The following DDX60 variants were observed in gnomAD, a reference collection of about 807,000 sequenced individuals.
DDX60 encodes the protein DExD/H-box helicase 60.
DDX60 carries 165 observed loss-of-function variants against 212.8 expected under a neutral mutation model. The observed-to-expected ratio is 0.78, with a 90% CI of 0.68 to 0.88. The LOEUF is 0.88. Among genes scored for constraint, DDX60 ranks in the 40% least tolerant of loss-of-function variants. The pLI, the probability that DDX60 is intolerant of heterozygous loss-of-function variation, is 0.00. For missense variants in DDX60, 1,905 were observed against 2,003.9 expected (o/e 0.95, Z 0.94); for synonymous variants, 703 against 685.3 (o/e 1.03, Z -0.40).
chr4:168,221,328 T>C (rs916840963), intron 36 of DDX60, among the ~76,000 whole-genome samples: 1 of 152,152 alleles, frequency 6.6e-6, no homozygotes, highest in Non-Finnish European at 1.5e-5. Context: ...ACTAAAACAA[T>C]TGTCATGTAC....
chr4:168,218,082 T>C (rs943669226), intron 37 of DDX60, among the ~76,000 whole-genome samples: 1 of 152,154 alleles, frequency 6.6e-6, no homozygotes, highest in African/African-American at 2.4e-5. Context: ...TGATCTGACA[T>C]CTTATCAGCC....
At chr4:168,287,753 T>C (rs1358669706) in intron 9 of DDX60, among the ~76,000 whole-genome samples, 1 of 152,036 alleles carries the variant, frequency 6.6e-6, no homozygotes, top group Non-Finnish European at 1.5e-5. Flanking sequence ...AGAAAAGATT[T>C]TAAAGAAAGA....
At chr4:168,238,477 G>T (rs547874792) in intron 30 of DDX60, among the ~76,000 whole-genome samples, 67 of 146,096 alleles carry the variant, frequency 4.6e-4, no homozygotes, top group Non-Finnish European at 5.2e-4. Flanking sequence ...GGGAAGGGAA[G>T]GGAAGGGGAG....
intron 24 of DDX60, among the ~76,000 whole-genome samples, chr4:168,261,444 A>C (rs927412931): frequency 1.8e-4 from 28 of 152,312 alleles, no homozygotes; most frequent in African/African-American, 6.7e-4. Context: ...ATTACAACAA[A>C]AAAAAATCCA....
intron 1 of DDX60, among the ~76,000 whole-genome samples, chr4:168,312,083 G>T (rs1737158421): frequency 6.6e-6 from 1 of 152,132 alleles, no homozygotes; most frequent in African/African-American, 2.4e-5. Context: ...TCACTTGAAG[G>T]ACATTTAGGA....
chr4:168,229,895 G>T (rs1231347351), intron 33 of DDX60, among the ~76,000 whole-genome samples: 1 of 152,068 alleles, frequency 6.6e-6, no homozygotes, highest in Non-Finnish European at 1.5e-5. Context: ...AATGTAAATG[G>T]CCTAAATGCT....
Position 168,314,613 on chromosome 4 carries a change from A to C in DDX60, c.-106-3248T>G, listed in dbSNP as rs565996395. On this transcript the variant is annotated intron_variant, in intron 1 of 37. Coordinates refer to ENST00000393743, the MANE Select transcript of DDX60 (RefSeq NM_017631.6). Reference sequence around the variant, plus strand: ...ATAAAATGAGCATGCTGGAATTTTTAGTCAGTGATCTGTAGGGTTAAAGTC... The same window carrying C: ...ATAAAATGAGCATGCTGGAATTTTTCGTCAGTGATCTGTAGGGTTAAAGTC... 4.4e-4 allele frequency among the ~76,000 whole-genome samples: 67 copies of C among 152,356 alleles called. No homozygotes were observed. The South Asian group carries it at 0.013, about 30-fold the overall frequency.
At chr4:168,273,515 C>T (rs1224870550) in intron 17 of DDX60, 117 bp from the exon 18 acceptor site, 2 of 1,241,196 alleles carry the variant, frequency 1.6e-6, no homozygotes, top group African/African-American at 3.0e-5. Context: ...CTTACTAACC[C>T]CTTTCATCAA....
intron 31 of DDX60, 78 bp from the exon 32 acceptor site, chr4:168,237,505 T>C (rs1733671729): frequency 7.3e-7 from 1 of 1,361,318 alleles, no homozygotes; most frequent in Non-Finnish European, 9.9e-7. Context: ...CAGTTTAAAA[T>C]AGTATTTAAT....
intron 3 of DDX60, among the ~76,000 whole-genome samples, chr4:168,308,899 TA>T (rs767839258): frequency 3.9e-5 from 6 of 152,046 alleles, no homozygotes; most frequent in Non-Finnish European, 7.4e-5. Context: ...CACGAATGCA[TA>T]AAGTATATGT....
In DDX60 at chr4:168,311,375, A is replaced by T. The variant is rs1737127688; in HGVS notation, c.-106-10T>A. On this transcript the variant is annotated splice_polypyrimidine_tract_variant and intron_variant, in intron 1 of 37. Transcript: ENST00000393743. ...AATGAAAATGGCAGTCCTGCAAAAA[A>T]AGAAAAGAAAATGAGTCTTTATTCA... The T allele has an allele frequency of 1.3e-5, 14 of 1,074,946 alleles. No homozygotes were observed. The highest frequency in any genetic ancestry group is 1.9e-5 in the Non-Finnish European group (14 of 726,402). 66.6% of individuals were successfully genotyped at this position (1,074,946 alleles called of 1,614,324 possible). A position where few individuals can be genotyped will look rare whatever the true frequency, so the allele number is the denominator to read the frequency against.
intron 29 of DDX60, among the ~76,000 whole-genome samples, chr4:168,247,454 T>A (rs192443185): frequency 1.2e-4 from 19 of 152,206 alleles, no homozygotes; most frequent in African/African-American, 1.7e-4. Flanking sequence ...ACAAGGCCTA[T>A]AAGGAGAACA....
chr4:168,290,563 TCTCCTGACCTCATGATC>T (rs1479924382), intron 8 of DDX60, among the ~76,000 whole-genome samples: 13 of 151,930 alleles, frequency 8.6e-5, no homozygotes, highest in African/African-American at 2.2e-4. Flanking sequence ...ATGGTCTTGA[TCTCCTGACCTCATGATC>T]CTCCTGACCT....
chr4:168,318,023 C>A (rs564430381), intron 1 of DDX60, among the ~76,000 whole-genome samples: 7 of 152,332 alleles, frequency 4.6e-5, no homozygotes, highest in Admixed American at 1.3e-4. Flanking sequence ...CATGCCTGGG[C>A]TTCTGATCCA....
At position 168,262,143 on chromosome 4, in the gene DDX60, T is replaced by C; in HGVS notation, c.3145-15A>G. 5 of 1,569,714 alleles carry C rather than the reference T, an allele frequency of 3.2e-6. No individual in the cohort carries two copies. Among genetic ancestry groups the C allele is most frequent in the South Asian group, 1.2e-5 (1 of 83,198 alleles). ...GGGCACAGTTCCTTGAAAACAAATA[T>C]TACAAAATTAGGCACAATCATGCAA... is the stretch of plus-strand genomic sequence containing the variant. On this transcript the variant is annotated splice_polypyrimidine_tract_variant and intron_variant, in intron 23 of 37. Coordinates refer to ENST00000393743, the MANE Select transcript of DDX60 (RefSeq NM_017631.6).
At chr4:168,311,553 C>T (rs1376061183) in intron 1 of DDX60, among the ~76,000 whole-genome samples, 188 bp from the exon 2 acceptor site, 1 of 151,954 alleles carries the variant, frequency 6.6e-6, no homozygotes, top group Non-Finnish European at 1.5e-5. Context: ...ATTGCAAAAA[C>T]GACAAAGTCA....
At chr4:168,294,594 A>T (rs1736259116) in intron 6 of DDX60, among the ~76,000 whole-genome samples, 2 of 152,018 alleles carry the variant, frequency 1.3e-5, no homozygotes, top group African/African-American at 4.8e-5. Flanking sequence ...TCTGCCTCCC[A>T]GGCTCAAGCG....
At chr4:168,267,728 A>C in intron 21 of DDX60, 37 bp from the exon 22 acceptor site, 1 of 1,549,790 alleles carries the variant, frequency 6.5e-7, no homozygotes, top group Non-Finnish European at 8.8e-7. Flanking sequence ...CATCAATGGA[A>C]ATGTAATCAC....
rs1186345529 is a variant in DDX60, at chr4:168,261,005, C to CA, written c.3274-17dup. ...CCATTCTGGCCTGTAGTGGTGAATACAAAACAATTTTAAGTTCTGCATGAG... is the reference window on the plus strand; with the variant it reads ...CCATTCTGGCCTGTAGTGGTGAATACAAAAACAATTTTAAGTTCTGCATGAG... On this transcript the variant is annotated splice_polypyrimidine_tract_variant and intron_variant, in intron 24 of 37. Transcript: ENST00000393743. 1 of 1,584,036 alleles carries CA rather than the reference C, an allele frequency of 6.3e-7. No individual in the cohort carries two copies. The highest frequency in any genetic ancestry group is 8.5e-7 in the Non-Finnish European group (1 of 1,172,138).
Sources: allele counts gnomAD v4.1 joint callset (sites outside exome capture counted in the v4.1 genomes callset), GRCh38; gene constraint gnomAD v4.1.1; transcripts MANE v1.5; gene names NCBI Gene and HGNC (gene_info 2026-07-23, HGNC 2026-07-21).